Variants in IL21R observed in about 807,000 individuals in gnomAD.
IL21R encodes the protein interleukin 21 receptor, also known as interleukin-21 receptor.
Under a neutral mutation model 41.3 loss-of-function variants are expected in IL21R, and 14 were observed. The observed-to-expected ratio is 0.34, with a 90% CI of 0.22 to 0.53. IL21R has a LOEUF of 0.53. Among genes scored for constraint, IL21R ranks in the 20% least tolerant of loss-of-function variants. The pLI is 0.94. For missense variants in IL21R, 588 were observed against 681.6 expected (o/e 0.86, Z 1.53); for synonymous variants, 286 against 287.6 (o/e 0.99, Z 0.05).
At chr16:27,446,119 G>T in intron 8 of IL21R, 31 bp downstream of exon 8, 1 of 1,586,250 alleles carries the variant, frequency 6.3e-7, no homozygotes, top group East Asian at 2.2e-5. Flanking sequence ...TGAGCTCCTC[G>T]GAGCCCCTCC....
At chr16:27,419,308 A>G (rs1489769303) in intron 1 of IL21R, among the ~76,000 whole-genome samples, 1 of 152,172 alleles carries the variant, frequency 6.6e-6, no homozygotes, top group Admixed American at 6.5e-5. Flanking sequence ...CCACCTCCAC[A>G]TTTTGTCCCA....
At chr16:27,417,168 T>C (rs1416232130) in intron 1 of IL21R, among the ~76,000 whole-genome samples, 1 of 147,968 alleles carries the variant, frequency 6.8e-6, no homozygotes, top group Admixed American at 6.7e-5. Context: ...CTTTTCTTTT[T>C]TTTTTTTTTT....
At chr16:27,423,051 TA>T (rs2087021429) in intron 1 of IL21R, among the ~76,000 whole-genome samples, 1 of 152,202 alleles carries the variant, frequency 6.6e-6, no homozygotes, top group African/African-American at 2.4e-5. Context: ...CCTCAGCTTG[TA>T]AAACTGTGAA....
intron 4 of IL21R, among the ~76,000 whole-genome samples, chr16:27,439,314 CCTCT>C (rs1019411825): frequency 6.6e-6 from 1 of 151,756 alleles, no homozygotes; most frequent in African/African-American, 2.4e-5. Flanking sequence ...GCCCACACTG[CCTCT>C]CTCTCTTGCT....
intron 1 of IL21R, among the ~76,000 whole-genome samples, chr16:27,404,643 A>G (rs2086709897): frequency 6.6e-6 from 1 of 152,146 alleles, no homozygotes; most frequent in African/African-American, 2.4e-5. Flanking sequence ...CCTTCTCCAC[A>G]CAACTAGGAA....
chr16:27,419,691 G>C (rs1172176513), intron 1 of IL21R, among the ~76,000 whole-genome samples: 1 of 152,092 alleles, frequency 6.6e-6, no homozygotes, highest in African/African-American at 2.4e-5. Context: ...GCCTCCCAAA[G>C]TGCTGGGATT....
intron 6 of IL21R, 49 bp from the exon 7 acceptor site, chr16:27,445,128 C>T (rs770525312): frequency 7.3e-7 from 1 of 1,366,628 alleles, no homozygotes; most frequent in Non-Finnish European, 1.0e-6. Flanking sequence ...CCCCATATGG[C>T]CTCTGGTAGA....
chr16:27,403,455 G>A (rs542560297), intron 1 of IL21R, among the ~76,000 whole-genome samples: 49 of 152,294 alleles, frequency 3.2e-4, no homozygotes, highest in African/African-American at 1.2e-3. Flanking sequence ...TGATTCCCTG[G>A]GGGGAGAGTG....
At chr16:27,419,332 A>G (rs1596573271) in intron 1 of IL21R, among the ~76,000 whole-genome samples, 1 of 152,358 alleles carries the variant, frequency 6.6e-6, no homozygotes, top group South Asian at 2.1e-4. Flanking sequence ...GAAGGTCTTC[A>G]GTGGCAAAAA....
chr16:27,445,300 C>G (rs1305479111), intron 7 of IL21R, 24 bp downstream of exon 7: 2 of 1,537,770 alleles, frequency 1.3e-6, no homozygotes, highest in African/African-American at 2.7e-5. Flanking sequence ...ATGAGGAAGG[C>G]AGGGAGGTGG....
At chr16:27,430,005 G>C in intron 1 of IL21R, 51 bp from the exon 2 acceptor site, 1 of 1,504,410 alleles carries the variant, frequency 6.6e-7, no homozygotes, top group African/African-American at 1.4e-5. Context: ...GGGGGAGGCC[G>C]GGGGAGCCCT....
At chr16:27,440,985 A>T (rs2087377720) in intron 4 of IL21R, among the ~76,000 whole-genome samples, 1 of 144,124 alleles carries the variant, frequency 6.9e-6, no homozygotes, top group Non-Finnish European at 1.5e-5. Flanking sequence ...TGGGAGGTGG[A>T]GACTGCAGTG....
intron 2 of IL21R, among the ~76,000 whole-genome samples, chr16:27,430,375 C>T (rs901937644): frequency 6.6e-6 from 1 of 152,214 alleles, no homozygotes; most frequent in Non-Finnish European, 1.5e-5. Flanking sequence ...CTTGTGTCTT[C>T]GGGTGTCACT....
chr16:27,438,393 G>A (rs536522137), intron 4 of IL21R, among the ~76,000 whole-genome samples: 21 of 152,260 alleles, frequency 1.4e-4, no homozygotes, highest in African/African-American at 5.1e-4. Context: ...GGGCAGGAGG[G>A]CCTGGTTGGT....
chr16:27,428,685 G>A (rs2087117364), intron 1 of IL21R, among the ~76,000 whole-genome samples: 1 of 152,204 alleles, frequency 6.6e-6, no homozygotes, highest in African/African-American at 2.4e-5. Flanking sequence ...CAAGACAGTA[G>A]AGGGCACTCT....
rs181354696 is a variant in IL21R, at chr16:27,451,925, T to C, written c.*2642T>C. ...TGGATAGACAGAGATAAATGCATAC[T>C]GGAAACAAAGATAAAGATAAAACAC... On this transcript the variant is annotated 3_prime_UTR_variant, in exon 9 of 9. Transcript: ENST00000337929. 59 of 230,200 alleles carry C rather than the reference T, an allele frequency of 2.6e-4. No homozygotes were observed. Among genetic ancestry groups the C allele is most frequent in the Non-Finnish European group, 4.3e-5 (5 of 116,066 alleles). The allele number at this position is 230,200 out of a possible 1,614,324, so 14.3% of individuals were successfully genotyped here.
intron 3 of IL21R, among the ~76,000 whole-genome samples, chr16:27,436,303 A>G (rs963240761): frequency 2.0e-5 from 3 of 152,256 alleles, no homozygotes; most frequent in African/African-American, 7.2e-5. Flanking sequence ...AGGGACCACA[A>G]CTGCTAGTGA....
rs760189200 is a variant in IL21R, at chr16:27,451,781, G to A, written c.*2498G>A. On this transcript the variant is annotated 3_prime_UTR_variant, in exon 9 of 9. Transcript: ENST00000337929. Reference sequence around the variant, plus strand: ...GAAAGGAGGGATTAGTAGGTAGGAGGGTGGATGGAGGATGGATGGATGTGT... The same window carrying A: ...GAAAGGAGGGATTAGTAGGTAGGAGAGTGGATGGAGGATGGATGGATGTGT... 2.6e-5 allele frequency: 6 copies of A among 230,918 alleles called. No individual in the cohort carries two copies. Among genetic ancestry groups the A allele is most frequent in the Non-Finnish European group, 4.3e-5 (5 of 116,610 alleles). The allele number at this position is 230,918 out of a possible 1,614,324, so 14.3% of individuals were successfully genotyped here. A position where few individuals can be genotyped will look rare whatever the true frequency, so the allele number is the denominator to read the frequency against.
At chr16:27,412,669 A>C (rs2086839928) in intron 1 of IL21R, among the ~76,000 whole-genome samples, 1 of 152,040 alleles carries the variant, frequency 6.6e-6, no homozygotes, top group Non-Finnish European at 1.5e-5. Flanking sequence ...TCCTTCAAAA[A>C]TGTTTTATAC....
Sources: allele counts gnomAD v4.1 joint callset (sites outside exome capture counted in the v4.1 genomes callset), GRCh38; gene constraint gnomAD v4.1.1; transcripts MANE v1.5; gene names NCBI Gene and HGNC (gene_info 2026-07-23, HGNC 2026-07-21).